The following GNG7 variants were observed in gnomAD, a reference collection of about 807,000 sequenced individuals.
The protein encoded by GNG7 is guanine nucleotide-binding protein G(I)/G(S)/G(O) subunit gamma-7.
In GNG7, 1 loss-of-function variant was observed where a neutral mutation model predicts 4.0. That is an observed-to-expected ratio of 0.25 (90% CI 0.09 to 1.18). The LOEUF (loss-of-function observed/expected upper bound fraction) is 1.18. Ranked by LOEUF, GNG7 falls within the 50% of genes most tolerant of loss-of-function variation. The pLI, the probability that GNG7 is intolerant of heterozygous loss-of-function variation, is 0.50. For missense variants in GNG7, 86 were observed against 91.9 expected (o/e 0.94, Z 0.26); for synonymous variants, 34 against 36.9 (o/e 0.92, Z 0.29).
intron 2 of GNG7, chr19:2,643,659 G>A: frequency 4.4e-6 from 2 of 456,516 alleles, no homozygotes; most frequent in Non-Finnish European, 8.8e-6. Flanking sequence ...TTCCAGCCCT[G>A]CGCCTCCTTT....
In GNG7 at chr19:2,557,360, C is replaced by T. The variant is rs530783533; in HGVS notation, c.-77-2172G>A. Among the ~76,000 whole-genome samples, 179 of 152,216 alleles carry T rather than the reference C, an allele frequency of 1.2e-3. No homozygotes were observed. The highest frequency in any genetic ancestry group is 4.1e-3 in the African/African-American group (170 of 41,548). ...ACACACATGTGCACACACACAGACA[C>T]ACACACACGTGCACGCACACATGCA... On this transcript the variant is annotated intron_variant, in intron 2 of 4. Transcript: ENST00000382159. This position sits in a 1 kb window ranked among gnomAD's most constrained non-coding sequence, Gnocchi z 5.1.
chr19:2,621,850 T>G (rs550981389), intron 2 of GNG7, among the ~76,000 whole-genome samples: 1 of 152,242 alleles, frequency 6.6e-6, no homozygotes, highest in East Asian at 1.9e-4. Context: ...TCCTCTCCTG[T>G]AGCGCCCAGG....
chr19:2,522,523 C>G (rs1978315098), intron 3 of GNG7, among the ~76,000 whole-genome samples: 1 of 151,802 alleles, frequency 6.6e-6, no homozygotes, highest in Non-Finnish European at 1.5e-5. Context: ...GCCTGTAATC[C>G]CAGCACTTTG....
Position 2,671,619 on chromosome 19 carries a change from C to T in GNG7, c.-134-25339G>A, listed in dbSNP as rs569916416. 7.9e-5 allele frequency among the ~76,000 whole-genome samples: 12 copies of T among 152,068 alleles called. No homozygotes were observed. The South Asian group carries it at 1.7e-3, about 21-fold the overall frequency. ...AGGCGGGAAGGTGACGGGTAGCATGCGGAGCCCCAGAGAGACAACACCTGG... is the reference window on the plus strand; with the variant it reads ...AGGCGGGAAGGTGACGGGTAGCATGTGGAGCCCCAGAGAGACAACACCTGG... On this transcript the variant is annotated intron_variant, in intron 1 of 4. Transcript: ENST00000382159.
intron 3 of GNG7, among the ~76,000 whole-genome samples, chr19:2,525,858 G>GC (rs1978374822): frequency 6.6e-6 from 1 of 152,036 alleles, no homozygotes; most frequent in East Asian, 1.9e-4. Context: ...CGCCCAGGCT[G>GC]AAGTGCGGTG....
chr19:2,658,395 C>T (rs548547599), intron 1 of GNG7, among the ~76,000 whole-genome samples: 46 of 151,902 alleles, frequency 3.0e-4, no homozygotes, highest in African/African-American at 9.9e-4. Context: ...GGCTTTTTAG[C>T]CCCGAGCTTT....
chr19:2,560,361 GC>G (rs933389655), intron 2 of GNG7, among the ~76,000 whole-genome samples: 9 of 152,014 alleles, frequency 5.9e-5, no homozygotes, highest in African/African-American at 2.2e-4. Context: ...TCTCCCACCG[GC>G]CCCCAGGGTC....
At chr19:2,655,820 C>A (rs1455684054) in intron 1 of GNG7, among the ~76,000 whole-genome samples, 2 of 122,768 alleles carry the variant, frequency 1.6e-5, no homozygotes, top group Admixed American at 1.0e-4. Context: ...GCCTGGGTGA[C>A]GGAGAGAGGC....
chr19:2,594,141 C>T (rs557196106), intron 2 of GNG7, among the ~76,000 whole-genome samples: 70 of 152,148 alleles, frequency 4.6e-4, no homozygotes, highest in African/African-American at 1.2e-3. Flanking sequence ...GAGGCCAAGA[C>T]GGGCGGATCA....
chr19:2,556,997 C>A (rs1979565849), intron 2 of GNG7, among the ~76,000 whole-genome samples: 1 of 150,118 alleles, frequency 6.7e-6, no homozygotes, highest in Admixed American at 6.8e-5. Context: ...GGGGGGCTGC[C>A]TCCCCTCCCA....
intron 2 of GNG7, among the ~76,000 whole-genome samples, chr19:2,565,933 G>A (rs982976918): frequency 2.0e-5 from 3 of 152,132 alleles, no homozygotes; most frequent in Non-Finnish European, 2.9e-5. Context: ...CAGGGCAGGC[G>A]GATCATCTGA....
At chr19:2,674,833 CTCGCA>C (rs1324936768) in intron 1 of GNG7, among the ~76,000 whole-genome samples, 1 of 152,178 alleles carries the variant, frequency 6.6e-6, no homozygotes, top group Non-Finnish European at 1.5e-5. Flanking sequence ...ATGGTCGTAA[CTCGCA>C]TTTCCACCCT....
At chr19:2,674,316 C>G (rs554015548) in intron 1 of GNG7, among the ~76,000 whole-genome samples, 2 of 152,268 alleles carry the variant, frequency 1.3e-5, no homozygotes, top group East Asian at 3.9e-4. Context: ...GAAATACACA[C>G]AATTGTATGT....
intron 3 of GNG7, among the ~76,000 whole-genome samples, chr19:2,531,928 G>A (rs1978604280): frequency 1.3e-5 from 2 of 151,794 alleles, no homozygotes; most frequent in African/African-American, 4.8e-5. Context: ...TAGGCAGGCG[G>A]ATCATGAGGT....
chr19:2,513,066 G>T lies in GNG7; in HGVS notation c.*1956C>A, dbSNP rs1972678492. Reference sequence around the variant, plus strand: ...CGTAGAGAGCTGGGTGCCGGGGGTGGGGAGCCCGGCTGTGGCCTGTGGGAG... The same window carrying T: ...CGTAGAGAGCTGGGTGCCGGGGGTGTGGAGCCCGGCTGTGGCCTGTGGGAG... On this transcript the variant is annotated 3_prime_UTR_variant, in exon 5 of 5. Transcript: ENST00000382159. 1.1e-5 allele frequency: 11 copies of T among 985,478 alleles called. No individual in the cohort carries two copies. The highest frequency in any genetic ancestry group is 1.3e-5 in the Non-Finnish European group (11 of 830,088). 61.0% of individuals were successfully genotyped at this position (985,478 alleles called of 1,614,324 possible).
At chr19:2,576,145 G>A (rs1000994215) in intron 2 of GNG7, among the ~76,000 whole-genome samples, 4 of 152,170 alleles carry the variant, frequency 2.6e-5, no homozygotes, top group Admixed American at 6.5e-5. Flanking sequence ...AGACACATGC[G>A]GCACGGGCAC....
chr19:2,637,047 C>A (rs1028853113), intron 2 of GNG7, among the ~76,000 whole-genome samples: 10 of 152,030 alleles, frequency 6.6e-5, no homozygotes, highest in African/African-American at 2.4e-4. Context: ...CCCACCTGCA[C>A]ACCCACTGCA....
At chr19:2,553,681 T>C (rs1478353638) in intron 3 of GNG7, among the ~76,000 whole-genome samples, 2 of 141,076 alleles carry the variant, frequency 1.4e-5, no homozygotes, top group East Asian at 1.9e-4. Context: ...TGTAATATGT[T>C]ATATTACACA....
rs190995868 is a variant in GNG7, at chr19:2,576,446, G to A, written c.-77-21258C>T. Among the ~76,000 whole-genome samples, 1,310 of 152,346 alleles carry A rather than the reference G, an allele frequency of 8.6e-3. 11 individuals carry two copies. Among genetic ancestry groups the A allele is most frequent in the Non-Finnish European group, 0.014 (925 of 68,026 alleles). On this transcript the variant is annotated intron_variant, in intron 2 of 4. Transcript: ENST00000382159. ...GAGGACAGGGCGGGCCGCGGCAGGCGGGGGACGGGCACTGCAGCAGCTGGT... is the reference window on the plus strand; with the variant it reads ...GAGGACAGGGCGGGCCGCGGCAGGCAGGGGACGGGCACTGCAGCAGCTGGT...
Sources: allele counts gnomAD v4.1 joint callset (sites outside exome capture counted in the v4.1 genomes callset), GRCh38; gene constraint gnomAD v4.1.1; non-coding constraint Gnocchi (gnomAD v3.1); transcripts MANE v1.5; gene names NCBI Gene and HGNC (gene_info 2026-07-23, HGNC 2026-07-21).